CACNA2D3: variants seen among roughly 807,000 people sequenced by gnomAD.
CACNA2D3 encodes the protein voltage-dependent calcium channel subunit alpha-2/delta-3.
Under a neutral mutation model 160.6 loss-of-function variants are expected in CACNA2D3, and 60 were observed. The ratio of observed to expected loss-of-function variants is 0.37; its 90% CI spans 0.30 to 0.46. The LOEUF (loss-of-function observed/expected upper bound fraction) is 0.46, where lower values mean the gene tolerates loss of function less well. Ranked by LOEUF, CACNA2D3 falls within the 20% of genes least tolerant of loss-of-function variation. The probability of loss-of-function intolerance (pLI) is 1.00; values close to 1 mark genes in which losing one functional copy is unlikely to be tolerated. For synonymous variants in CACNA2D3, 558 were observed against 492.9 expected (o/e 1.13, Z -1.75); for missense variants, 1,205 against 1,365.0 (o/e 0.88, Z 1.85).
chr3:54,917,792 G>C (rs566505389), intron 27 of CACNA2D3, among the ~76,000 whole-genome samples: 1 of 152,214 alleles, frequency 6.6e-6, no homozygotes, highest in East Asian at 1.9e-4. Flanking sequence ...CCCAGACTCA[G>C]GGCCTGAGTC....
intron 35 of CACNA2D3, among the ~76,000 whole-genome samples, chr3:55,070,344 G>A (rs1704774417): frequency 6.6e-6 from 1 of 152,084 alleles, no homozygotes; most frequent in Admixed American, 6.5e-5. Flanking sequence ...AGAGAGAGAA[G>A]GATTATAGAT....
At chr3:55,033,552 G>A (rs1479168162) in intron 35 of CACNA2D3, among the ~76,000 whole-genome samples, 1 of 135,650 alleles carries the variant, frequency 7.4e-6, no homozygotes, top group Non-Finnish European at 1.5e-5. Context: ...CACCCGATAT[G>A]TCTGAAACTA....
intron 14 of CACNA2D3, among the ~76,000 whole-genome samples, chr3:54,828,301 A>G (rs772810593): frequency 3.9e-5 from 6 of 152,178 alleles, no homozygotes; most frequent in African/African-American, 9.7e-5. Context: ...CCAAAATCCA[A>G]TGCCTCATGA....
intron 5 of CACNA2D3, among the ~76,000 whole-genome samples, chr3:54,547,248 A>C (rs187698867): frequency 6.6e-6 from 1 of 152,312 alleles, no homozygotes; most frequent in Admixed American, 6.5e-5. Context: ...CTTTGGAAGC[A>C]GTTTAAACTT....
intron 5 of CACNA2D3, among the ~76,000 whole-genome samples, chr3:54,507,994 G>A (rs971789469): frequency 2.0e-5 from 3 of 152,222 alleles, no homozygotes; most frequent in African/African-American, 7.2e-5. Context: ...TTTGTATGTT[G>A]AAACCTAATC....
chr3:54,328,787 G>A (rs979500277), intron 3 of CACNA2D3, among the ~76,000 whole-genome samples: 9 of 152,124 alleles, frequency 5.9e-5, no homozygotes, highest in African/African-American at 2.2e-4. Context: ...ATGCTTGGAG[G>A]GGCCCTCCCC....
At chr3:54,621,414 C>T (rs1021937576) in intron 9 of CACNA2D3, among the ~76,000 whole-genome samples, 3 of 152,188 alleles carry the variant, frequency 2.0e-5, no homozygotes, top group African/African-American at 2.4e-5. Flanking sequence ...GTGGCGCCAG[C>T]GTGGGCTCAT....
At chr3:54,739,427 A>G (rs1206610116) in intron 11 of CACNA2D3, among the ~76,000 whole-genome samples, 2 of 31,378 alleles carry the variant, frequency 6.4e-5, no homozygotes, top group African/African-American at 1.2e-4. Context: ...CTCTGTCTCA[A>G]AAAAAAAAAA....
At chr3:54,474,522 A>C (rs140730518) in intron 4 of CACNA2D3, among the ~76,000 whole-genome samples, 1 of 152,186 alleles carries the variant, frequency 6.6e-6, no homozygotes, top group African/African-American at 2.4e-5. Context: ...TGTTCTGCAC[A>C]TGTATCCCAG....
At chr3:54,901,046 G>C (rs181507021) in intron 27 of CACNA2D3, 1 of 152,182 alleles carries the variant, frequency 6.6e-6, no homozygotes, top group Non-Finnish European at 1.5e-5. Context: ...ATTCACAGTT[G>C]CTGTCTTCAA....
intron 3 of CACNA2D3, among the ~76,000 whole-genome samples, chr3:54,323,072 A>T (rs1704041134): frequency 6.6e-6 from 1 of 152,124 alleles, no homozygotes; most frequent in African/African-American, 2.4e-5. Context: ...TTTGTATGTC[A>T]CGTAGGGGTT....
At chr3:54,516,047 G>C (rs1701545250) in intron 5 of CACNA2D3, among the ~76,000 whole-genome samples, 1 of 152,216 alleles carries the variant, frequency 6.6e-6, no homozygotes, top group Non-Finnish European at 1.5e-5. Context: ...CCTGGAGCCT[G>C]ACATGCATCA....
chr3:55,065,520 C>G (rs2107225994), intron 35 of CACNA2D3, among the ~76,000 whole-genome samples: 1 of 152,268 alleles, frequency 6.6e-6, no homozygotes, highest in South Asian at 2.1e-4. Flanking sequence ...GACACTTTTA[C>G]CCTTAGGCAT....
At chr3:54,968,974 G>A (rs896182595) in intron 28 of CACNA2D3, among the ~76,000 whole-genome samples, 6 of 151,982 alleles carry the variant, frequency 3.9e-5, no homozygotes, top group Middle Eastern at 3.4e-3. Flanking sequence ...TTTTCTTTTC[G>A]CTATGCTCTC....
chr3:54,419,297 G>C (rs1699802536), intron 4 of CACNA2D3, among the ~76,000 whole-genome samples: 1 of 152,198 alleles, frequency 6.6e-6, no homozygotes, highest in South Asian at 2.1e-4. Flanking sequence ...GTGGCAGATA[G>C]AAGCCCCCAT....
chr3:54,433,672 T>A (rs2106778684), intron 4 of CACNA2D3, among the ~76,000 whole-genome samples: 1 of 152,272 alleles, frequency 6.6e-6, no homozygotes, highest in Admixed American at 6.5e-5. Context: ...CCTTTGCACT[T>A]GAGGAAGAGC....
chr3:54,414,466 T>G (rs1433640922), intron 4 of CACNA2D3, among the ~76,000 whole-genome samples: 2 of 152,132 alleles, frequency 1.3e-5, no homozygotes. Context: ...ATTTTGCAAT[T>G]TAGAGGGAGA....
chr3:54,541,893 C>G (rs1701985315), intron 5 of CACNA2D3, among the ~76,000 whole-genome samples: 1 of 149,766 alleles, frequency 6.7e-6, no homozygotes, highest in Non-Finnish European at 1.5e-5. Flanking sequence ...TGATTCTTGG[C>G]TGTGGTTAAG....
At chr3:54,732,838 A>G (rs902121688) in intron 11 of CACNA2D3, among the ~76,000 whole-genome samples, 3 of 152,260 alleles carry the variant, frequency 2.0e-5, no homozygotes, top group African/African-American at 4.8e-5. Context: ...GAAAAAGTCA[A>G]AAGGTCAGAG....
Sources: gnomAD v4.1 joint callset for allele counts (sites outside exome capture counted in the v4.1 genomes callset) on GRCh38, gnomAD v4.1.1 for gene constraint, MANE v1.5 for transcripts, NCBI Gene and HGNC (gene_info 2026-07-23, HGNC 2026-07-21) for gene names.